Variants in EPHA8 observed in about 807,000 individuals in gnomAD.
EPHA8 encodes EPH receptor A8.
In EPHA8, 58 loss-of-function variants were observed where a neutral mutation model predicts 103.6. The observed-to-expected ratio is 0.56, with a 90% CI of 0.45 to 0.70. EPHA8 has a LOEUF of 0.70. Ranked by LOEUF, EPHA8 falls within the 30% of genes least tolerant of loss-of-function variation. EPHA8 has a pLI of 0.00. For synonymous variants in EPHA8, 559 were observed against 572.5 expected (o/e 0.98, Z 0.34); for missense variants, 1,304 against 1,395.2 (o/e 0.93, Z 1.04).
At chr1:22,591,513 G>A (rs149239105) in intron 5 of EPHA8, among the ~76,000 whole-genome samples, 1 of 151,838 alleles carries the variant, frequency 6.6e-6, no homozygotes, top group African/African-American at 2.4e-5. Context: ...GAGCCACCAT[G>A]CCCAGCACCA....
intron 2 of EPHA8, among the ~76,000 whole-genome samples, chr1:22,571,167 A>G (rs1176849275): frequency 6.6e-6 from 1 of 152,096 alleles, no homozygotes; most frequent in Non-Finnish European, 1.5e-5. Context: ...CGTGTTTTGG[A>G]CGCTCACACT....
rs944265045 is a variant in EPHA8, at chr1:22,598,480, A to C, written c.2178+268A>C. Among the ~76,000 whole-genome samples, 1 of 152,024 alleles carries C rather than the reference A, an allele frequency of 6.6e-6. No homozygotes were observed. ...GTGCCTCTGTGGGAATCCAGGCCCC[A>C]CCCAGCTGGGGGGCATGCTGGCTGT... On this transcript the variant is annotated intron_variant, in intron 12 of 16. Transcript: ENST00000166244. The surrounding 1 kb of genome is among the most constrained non-coding windows in gnomAD (Gnocchi z 5.1).
intron 3 of EPHA8, among the ~76,000 whole-genome samples, chr1:22,580,307 T>C (rs1257501570): frequency 6.6e-6 from 1 of 151,722 alleles, no homozygotes; most frequent in Non-Finnish European, 1.5e-5. Context: ...CCCAGCTAAT[T>C]TTTGTATTTT....
chr1:22,578,308 G>A (rs998743361), intron 3 of EPHA8, among the ~76,000 whole-genome samples: 1 of 150,412 alleles, frequency 6.6e-6, no homozygotes, highest in East Asian at 2.0e-4. Flanking sequence ...CTATGCCTGT[G>A]TGCATATGTA....
In EPHA8 at chr1:22,598,909, C is replaced by T; in HGVS notation, c.2250C>T (p.Tyr750=). ...GAGGAGTGGGTGCCGGCATGCGCTACCTCTCAGACCTGGGCTATGTCCACC... is the reference window on the plus strand; with the variant it reads ...GAGGAGTGGGTGCCGGCATGCGCTATCTCTCAGACCTGGGCTATGTCCACC... ...MLRGVGAGMR[Y]LSDLGYVHRD... The change falls in exon 13 of 17, where the codon TAC becomes TAT. Residue 750 remains tyrosine, a synonymous_variant. Coordinates refer to ENST00000166244, the MANE Select transcript of EPHA8 (RefSeq NM_020526.5). The surrounding 1 kb of genome is among the most constrained non-coding windows in gnomAD (Gnocchi z 5.1). 7 of 1,613,018 alleles carry T rather than the reference C, an allele frequency of 4.3e-6. No individual in the cohort carries two copies. Among genetic ancestry groups the T allele is most frequent in the African/African-American group, 1.3e-5 (1 of 74,994 alleles).
intron 8 of EPHA8, 62 bp downstream of exon 8, chr1:22,595,385 C>A: frequency 7.0e-7 from 1 of 1,431,834 alleles, no homozygotes; most frequent in Non-Finnish European, 9.7e-7. Context: ...TCCTGCCTGC[C>A]CCCAGCCCCA....
chr1:22,598,985 G>A lies in EPHA8; in HGVS notation c.2326G>A (p.Val776Met), dbSNP rs1239542886. ...GGTTGACAGCAACCTGGTCTGCAAG[G>A]TGTCTGACTTCGGGCTCTCACGGGT... ...VLVDSNLVCK[V>M]SDFGLSRVLE... The change falls in exon 13 of 17, where the codon GTG becomes ATG. Residue 776 changes from valine (V) to methionine (M), a missense_variant. Val to Met is a conservative substitution (Grantham distance 21, BLOSUM62 1). Transcript: ENST00000166244. This position sits in a 1 kb window ranked among gnomAD's most constrained non-coding sequence, Gnocchi z 5.1. 1.9e-6 allele frequency: 3 copies of A among 1,612,250 alleles called. No homozygotes were observed. The East Asian group carries it at 6.7e-5, about 36-fold the overall frequency.
chr1:22,577,939 ATGTG>A (rs1170980499), intron 3 of EPHA8, among the ~76,000 whole-genome samples: 3 of 5,460 alleles, frequency 5.5e-4, no homozygotes, highest in Non-Finnish European at 1.0e-3. Context: ...GCGTGAGTGT[ATGTG>A]TGCGAGTGTA....
Position 22,593,466 on chromosome 1 carries a change from CGGAGTG to C in EPHA8, c.1440+21_1440+26del, listed in dbSNP as rs1390579977. On this transcript the variant is annotated intron_variant, in intron 6 of 16. Coordinates refer to ENST00000166244, the MANE Select transcript of EPHA8 (RefSeq NM_020526.5). ...CTACGAGAAGGTACCACGGGCAGGA[CGGAGTG>C]GGAGGGGCTGGGCCAGCAGGGCAGG... is the stretch of plus-strand genomic sequence containing the variant. The C allele has an allele frequency of 6.2e-7, 1 of 1,610,010 alleles. No homozygotes were observed. The highest frequency in any genetic ancestry group is 8.5e-7 in the Non-Finnish European group (1 of 1,177,780).
intron 13 of EPHA8, among the ~76,000 whole-genome samples, chr1:22,599,708 A>G (rs1353957656): frequency 5.9e-4 from 3 of 5,124 alleles, no homozygotes; most frequent in Non-Finnish European, 6.3e-4. Flanking sequence ...GGGAGGAAGG[A>G]GGGAAGGAAG....
intron 1 of EPHA8, among the ~76,000 whole-genome samples, chr1:22,564,032 G>C (rs1024948702): frequency 3.3e-5 from 5 of 151,986 alleles, no homozygotes; most frequent in Admixed American, 2.0e-4. Context: ...TCGGACGCCG[G>C]GGACAAGGGG....
chr1:22,568,531 G>T (rs1409145370), intron 1 of EPHA8, among the ~76,000 whole-genome samples: 1 of 152,182 alleles, frequency 6.6e-6, no homozygotes, highest in African/African-American at 2.4e-5. Flanking sequence ...CCTGAGGCTC[G>T]GTTCTTTTAT....
intron 2 of EPHA8, among the ~76,000 whole-genome samples, chr1:22,570,383 C>T (rs1413553158): frequency 5.8e-5 from 5 of 86,112 alleles, no homozygotes; most frequent in Admixed American, 2.0e-4. Context: ...CGTACACACA[C>T]GCGCGCGCGC....
intron 3 of EPHA8, among the ~76,000 whole-genome samples, 199 bp downstream of exon 3, chr1:22,577,079 G>A (rs1569965905): frequency 6.6e-6 from 1 of 152,196 alleles, no homozygotes; most frequent in African/African-American, 2.4e-5. Flanking sequence ...TGGGAAGGAC[G>A]TGGGAGCAAG....
intron 2 of EPHA8, among the ~76,000 whole-genome samples, chr1:22,573,369 C>T (rs562790261): frequency 2.0e-5 from 3 of 152,324 alleles, no homozygotes; most frequent in African/African-American, 7.2e-5. Flanking sequence ...TCTCAAACCT[C>T]GCTCAAGTGG....
intron 3 of EPHA8, among the ~76,000 whole-genome samples, chr1:22,583,481 C>A (rs1189778779): frequency 6.6e-6 from 1 of 152,140 alleles, no homozygotes; most frequent in East Asian, 1.9e-4. Context: ...TCCAGAGGCT[C>A]CCCCGCCTGA....
intron 3 of EPHA8, among the ~76,000 whole-genome samples, chr1:22,581,644 G>T (rs1026299928): frequency 2.0e-5 from 3 of 152,188 alleles, no homozygotes; most frequent in African/African-American, 7.2e-5. Context: ...AGAGGCCAAG[G>T]CCACTCCTAT....
intron 3 of EPHA8, among the ~76,000 whole-genome samples, chr1:22,583,901 C>T (rs769678385): frequency 1.3e-5 from 2 of 152,216 alleles, no homozygotes; most frequent in Non-Finnish European, 2.9e-5. Context: ...CCCCGCATCA[C>T]GCCATGAGGC....
intron 16 of EPHA8, 54 bp from the exon 17 acceptor site, chr1:22,601,573 G>GC: frequency 6.3e-7 from 1 of 1,585,662 alleles, no homozygotes. Flanking sequence ...CTGGCTGCGT[G>GC]CGCGGCTCCC....
Sources: allele counts gnomAD v4.1 joint callset (sites outside exome capture counted in the v4.1 genomes callset), GRCh38; gene constraint gnomAD v4.1.1; non-coding constraint Gnocchi (gnomAD v3.1); transcripts MANE v1.5; gene names NCBI Gene and HGNC (gene_info 2026-07-23, HGNC 2026-07-21).